SAXO4: variants seen among roughly 807,000 people sequenced by gnomAD.
SAXO4 encodes protein phosphatase 1 regulatory subunit 32.
chr11:61,487,352 G>T, the SAXO4 span: 1 of 940,878 alleles, frequency 1.1e-6, no homozygotes, highest in Non-Finnish European at 1.7e-6. Context: ...AGTGAATATG[G>T]GTTCCCCAGA....
At chr11:61,487,164 C>T in the SAXO4 span, 1 of 1,614,126 alleles carries the variant, frequency 6.2e-7, no homozygotes, top group South Asian at 1.1e-5. Flanking sequence ...AGGGTTCAGC[C>T]TTAACAACCC....
the SAXO4 span, chr11:61,485,930 T>C: frequency 6.4e-7 from 1 of 1,567,884 alleles, no homozygotes; most frequent in East Asian, 2.2e-5. Flanking sequence ...GCTGGGCTCC[T>C]GCTAGAACTT....
chr11:61,487,039 GC>G, the SAXO4 span: 3 of 1,614,082 alleles, frequency 1.9e-6, no homozygotes, highest in Non-Finnish European at 2.5e-6. Flanking sequence ...GCCCTGCTTG[GC>G]CGGGAGACTG....
chr11:61,488,301 C>CTT, the SAXO4 span, among the ~76,000 whole-genome samples: 4,323 of 107,370 alleles, frequency 0.04, 345 homozygotes, highest in African/African-American at 0.14. Flanking sequence ...AGTACAATTC[C>CTT]TTTTTTTTTT....
chr11:61,486,970 C>G, the SAXO4 span: 1 of 1,614,110 alleles, frequency 6.2e-7, no homozygotes, highest in Non-Finnish European at 8.5e-7. Flanking sequence ...TGCCCAGAAC[C>G]CAGCAGCGTG....
At chr11:61,484,328 A>G in the SAXO4 span, among the ~76,000 whole-genome samples, 5 of 152,174 alleles carry the variant, frequency 3.3e-5, no homozygotes, top group African/African-American at 1.2e-4. Flanking sequence ...CTATGGAGAC[A>G]CTGGACAAAA....
chr11:61,482,735 T>G, the SAXO4 span: 1 of 1,613,954 alleles, frequency 6.2e-7, no homozygotes, highest in Non-Finnish European at 8.5e-7. Context: ...AAGCATCCCC[T>G]GCCCTGGAGC....
At chr11:61,481,817 G>T in the SAXO4 span, 1 of 1,523,424 alleles carries the variant, frequency 6.6e-7, no homozygotes, top group Non-Finnish European at 8.7e-7. Flanking sequence ...ATCATGATGG[G>T]GAAACTCCCC....
the SAXO4 span, among the ~76,000 whole-genome samples, chr11:61,483,828 C>A: frequency 6.6e-6 from 1 of 151,890 alleles, no homozygotes; most frequent in Non-Finnish European, 1.5e-5. Context: ...CATGGTGGCA[C>A]GCACCTATAA....
chr11:61,489,829 G>C, the SAXO4 span: 2 of 1,613,818 alleles, frequency 1.2e-6, no homozygotes, highest in Non-Finnish European at 8.5e-7. Flanking sequence ...GGCTGGACTC[G>C]AGGTGGCATC....
chr11:61,488,703 A>T, the SAXO4 span: 830 of 152,284 alleles, frequency 5.5e-3, 3 homozygotes, highest in Non-Finnish European at 9.2e-3. Flanking sequence ...CCCCTGCCCC[A>T]CCCCCTGCTC....
chr11:61,487,957 G>C, the SAXO4 span, among the ~76,000 whole-genome samples: 1 of 151,908 alleles, frequency 6.6e-6, no homozygotes, highest in Admixed American at 6.6e-5. Context: ...CATTATAGGA[G>C]TGGTATAAAG....
At chr11:61,487,988 CTT>C in the SAXO4 span, among the ~76,000 whole-genome samples, 32 of 133,174 alleles carry the variant, frequency 2.4e-4, no homozygotes, top group Admixed American at 2.9e-4. Flanking sequence ...TCTTCTTCTT[CTT>C]TTTTTTTTTT....
the SAXO4 span, chr11:61,484,617 G>A: frequency 1.3e-6 from 2 of 1,582,604 alleles, no homozygotes; most frequent in South Asian, 1.2e-5. Flanking sequence ...CTCTGTAAAG[G>A]TCAAGGGCAG....
At chr11:61,489,863 C>A in the SAXO4 span, 6 of 1,613,852 alleles carry the variant, frequency 3.7e-6, no homozygotes, top group Non-Finnish European at 5.1e-6. Context: ...CAGGAGGCTA[C>A]GCCCTCAGCC....
the SAXO4 span, chr11:61,490,860 C>G: frequency 5.9e-6 from 3 of 508,580 alleles, no homozygotes; most frequent in East Asian, 3.4e-5. Flanking sequence ...TCTGTACCCC[C>G]ACTCCATCCC....
At chr11:61,482,346 G>A in the SAXO4 span, 333 of 1,614,158 alleles carry the variant, frequency 2.1e-4, 1 homozygote, top group African/African-American at 3.7e-3. Context: ...GGGCAGTCAC[G>A]TAGGCACCGG....
At chr11:61,489,179 G>A in the SAXO4 span, 1 of 147,956 alleles carries the variant, frequency 6.8e-6, no homozygotes, top group Non-Finnish European at 1.4e-5. Flanking sequence ...CCCCTTCTTA[G>A]GCAAACACCT....
chr11:61,486,678 T>G, the SAXO4 span: 1 of 1,425,820 alleles, frequency 7.0e-7, no homozygotes, highest in Non-Finnish European at 9.9e-7. Context: ...GAGGTGGCAT[T>G]TGGGTCAGGC....
Sources: gnomAD v4.1 joint callset for allele counts (sites outside exome capture counted in the v4.1 genomes callset) on GRCh38, gnomAD v4.1.1 for gene constraint, MANE v1.5 for transcripts, NCBI Gene and HGNC (gene_info 2026-07-23, HGNC 2026-07-21) for gene names.